The following FAM81A variants were observed in gnomAD, a reference collection of about 807,000 sequenced individuals.
FAM81A encodes the protein family with sequence similarity 81 member A.
A neutral mutation model predicts 46.7 loss-of-function variants in FAM81A; 19 were observed. The observed-to-expected ratio is 0.41, with a 90% confidence interval of 0.28 to 0.60. The LOEUF (loss-of-function observed/expected upper bound fraction) is 0.60, where lower values mean the gene tolerates loss of function less well. FAM81A is among the 20% of genes least tolerant of loss of function. The pLI, the probability that FAM81A is intolerant of heterozygous loss-of-function variation, is 0.34. For synonymous variants in FAM81A, 183 were observed against 152.9 expected (o/e 1.20, Z -1.45); for missense variants, 377 against 453.5 (o/e 0.83, Z 1.53).
intron 2 of FAM81A, among the ~76,000 whole-genome samples, chr15:59,422,934 A>G (rs1477356238): frequency 1.3e-5 from 2 of 152,056 alleles, no homozygotes; most frequent in African/African-American, 4.8e-5. Flanking sequence ...CTGTATGAAT[A>G]TTTTTTCACT....
chr15:59,457,886 T>C (rs2081503791), intron 1 of FAM81A, among the ~76,000 whole-genome samples: 1 of 152,210 alleles, frequency 6.6e-6, no homozygotes, highest in African/African-American at 2.4e-5. Context: ...TAATAAAGTA[T>C]TTTAAACATC....
chr15:59,503,550 A>G (rs1403053059), intron 4 of FAM81A, among the ~76,000 whole-genome samples: 1 of 151,680 alleles, frequency 6.6e-6, no homozygotes, highest in Non-Finnish European at 1.5e-5. Flanking sequence ...TGCTACATCT[A>G]TGTACTATAA....
At chr15:59,415,539 G>C (rs2081143076) in intron 2 of FAM81A, among the ~76,000 whole-genome samples, 1 of 152,182 alleles carries the variant, frequency 6.6e-6, no homozygotes, top group Non-Finnish European at 1.5e-5. Flanking sequence ...GAAAGGACTT[G>C]ATCTTCTGTC....
chr15:59,434,619 C>T (rs182533697), upstream of FAM81A, among the ~76,000 whole-genome samples: 4 of 152,346 alleles, frequency 2.6e-5, no homozygotes, highest in East Asian at 7.7e-4. Context: ...CCTCATTGCT[C>T]CCTGTGGGAA....
chr15:59,449,470 T>G (rs1051448688), intron 1 of FAM81A, among the ~76,000 whole-genome samples: 20 of 152,202 alleles, frequency 1.3e-4, no homozygotes, highest in Middle Eastern at 3.2e-3. Flanking sequence ...TTATTTGGCA[T>G]GTTTTAAACC....
At chr15:59,425,417 T>C (rs111261209) in intron 2 of FAM81A, among the ~76,000 whole-genome samples, 2,067 of 152,352 alleles carry the variant, frequency 0.014, 50 homozygotes, top group African/African-American at 0.048. Context: ...ATAATTATTT[T>C]AATTATCTGA....
chr15:59,417,360 T>C (rs1369084498), intron 2 of FAM81A, among the ~76,000 whole-genome samples: 1 of 151,698 alleles, frequency 6.6e-6, no homozygotes, highest in Non-Finnish European at 1.5e-5. Flanking sequence ...CAACTTACTT[T>C]ATGATCAAAG....
rs1424320391 is a variant in FAM81A, at chr15:59,468,132, C to T, written c.294+7926C>T. 2.0e-5 allele frequency among the ~76,000 whole-genome samples: 3 copies of T among 152,046 alleles called. 1 individual carries two copies. Among genetic ancestry groups the T allele is most frequent in the Admixed American group, 1.3e-4 (2 of 15,246 alleles). On this transcript the variant is annotated intron_variant, in intron 3 of 8. Coordinates refer to ENST00000288228, the MANE Select transcript of FAM81A (RefSeq NM_152450.3). ...TTGCCAGTATTTTATTGAGGATTTTCACATTGAGTTCATCAGGGATATTGG... is the reference window on the plus strand; with the variant it reads ...TTGCCAGTATTTTATTGAGGATTTTTACATTGAGTTCATCAGGGATATTGG...
At chr15:59,482,294 G>A (rs1220663642) in intron 3 of FAM81A, among the ~76,000 whole-genome samples, 2 of 152,112 alleles carry the variant, frequency 1.3e-5, no homozygotes, top group Non-Finnish European at 2.9e-5. Context: ...TTGAGATGGG[G>A]TTTTGCTCTT....
chr15:59,448,802 C>T (rs994816218), intron 1 of FAM81A, among the ~76,000 whole-genome samples: 2 of 152,010 alleles, frequency 1.3e-5, no homozygotes, highest in African/African-American at 2.4e-5. Flanking sequence ...TACAGCTGTT[C>T]GCCACCATGC....
intron 1 of FAM81A, among the ~76,000 whole-genome samples, chr15:59,455,675 T>G (rs1444840654): frequency 6.6e-6 from 1 of 152,198 alleles, no homozygotes; most frequent in African/African-American, 2.4e-5. Flanking sequence ...TTATGAAATT[T>G]CTTGTCATAG....
At chr15:59,466,889 T>G (rs1405749280) in intron 3 of FAM81A, among the ~76,000 whole-genome samples, 7 of 152,150 alleles carry the variant, frequency 4.6e-5, no homozygotes, top group Non-Finnish European at 1.0e-4. Flanking sequence ...TTGTATAAGG[T>G]GTAAGGAAGG....
At position 59,449,597 on chromosome 15, in the gene FAM81A, C is replaced by T. The variant is rs566353814; in HGVS notation, c.-77-8953C>T. ...GAGATCGAGACCATCCTGGCTAACACAGTGAAACCCCGTCTCTACTAAAAA... is the reference window on the plus strand; with the variant it reads ...GAGATCGAGACCATCCTGGCTAACATAGTGAAACCCCGTCTCTACTAAAAA... On this transcript the variant is annotated intron_variant, in intron 1 of 8. Coordinates refer to ENST00000288228, the MANE Select transcript of FAM81A (RefSeq NM_152450.3). 1.1e-3 allele frequency among the ~76,000 whole-genome samples: 168 copies of T among 152,058 alleles called. 3 individuals are homozygous for T. The South Asian group carries it at 0.032, about 29-fold the overall frequency.
At chr15:59,492,482 A>G in intron 4 of FAM81A, 93 bp downstream of exon 4, 1 of 1,010,354 alleles carries the variant, frequency 9.9e-7, no homozygotes, top group Non-Finnish European at 1.5e-6. Flanking sequence ...GCCCCAAAGC[A>G]AATGGCTTGC....
At chr15:59,477,349 A>G (rs2081785496) in intron 3 of FAM81A, among the ~76,000 whole-genome samples, 1 of 152,146 alleles carries the variant, frequency 6.6e-6, no homozygotes, top group Admixed American at 6.6e-5. Context: ...TTCACGCAGT[A>G]AAATTTTACT....
intron 4 of FAM81A, among the ~76,000 whole-genome samples, chr15:59,502,621 C>G (rs1406018718): frequency 2.0e-5 from 3 of 151,840 alleles, no homozygotes; most frequent in Non-Finnish European, 4.4e-5. Context: ...TCAAGCGATT[C>G]TCCTGCTTCA....
At chr15:59,421,044 T>C (rs1461290234) in intron 2 of FAM81A, among the ~76,000 whole-genome samples, 2 of 152,044 alleles carry the variant, frequency 1.3e-5, no homozygotes, top group Admixed American at 1.3e-4. Flanking sequence ...GAACGTGCTC[T>C]ACTGTGTTCT....
chr15:59,473,045 A>T (rs971758335), intron 3 of FAM81A, among the ~76,000 whole-genome samples: 1 of 152,210 alleles, frequency 6.6e-6, no homozygotes, highest in Non-Finnish European at 1.5e-5. Flanking sequence ...TTTCAGATTT[A>T]TCAAGAGACT....
intron 1 of FAM81A, chr15:59,401,612 G>C (rs1596456601): frequency 1.1e-6 from 1 of 906,676 alleles, no homozygotes; most frequent in Non-Finnish European, 1.8e-6. Context: ...TAATACTTCT[G>C]TTTCTCCCTG....
Sources: gnomAD v4.1 joint callset for allele counts (sites outside exome capture counted in the v4.1 genomes callset) on GRCh38, gnomAD v4.1.1 for gene constraint, MANE v1.5 for transcripts, NCBI Gene and HGNC (gene_info 2026-07-23, HGNC 2026-07-21) for gene names.